The following ARHGAP5 variants were observed in gnomAD, a reference collection of about 807,000 sequenced individuals.
ARHGAP5 encodes rho GTPase-activating protein 5.
In ARHGAP5, 23 loss-of-function variants were observed where a neutral mutation model predicts 116.6. That is an observed-to-expected ratio of 0.20 (90% CI 0.14 to 0.28). ARHGAP5 has a LOEUF of 0.28. Ranked by LOEUF, ARHGAP5 falls within the 10% of genes least tolerant of loss-of-function variation. The pLI, the probability that ARHGAP5 is intolerant of heterozygous loss-of-function variation, is 1.00. For synonymous variants in ARHGAP5, 574 were observed against 602.0 expected (o/e 0.95, Z 0.68); for missense variants, 1,405 against 1,774.8 (o/e 0.79, Z 3.74).
At chr14:32,084,678 A>G (rs1462235658) in intron 1 of ARHGAP5, among the ~76,000 whole-genome samples, 1 of 152,094 alleles carries the variant, frequency 6.6e-6, no homozygotes, top group Admixed American at 6.5e-5. Flanking sequence ...TTCTCTCTTC[A>G]TTTGCCTGAT....
intron 1 of ARHGAP5, among the ~76,000 whole-genome samples, chr14:32,079,668 A>G (rs1009815668): frequency 6.6e-6 from 1 of 152,182 alleles, no homozygotes; most frequent in African/African-American, 2.4e-5. Context: ...GGTCTCATAA[A>G]GACTTTACTA....
intron 2 of ARHGAP5, among the ~76,000 whole-genome samples, chr14:32,101,555 T>C (rs1417760220): frequency 3.9e-5 from 6 of 152,176 alleles, no homozygotes; most frequent in Non-Finnish European, 4.4e-5. Flanking sequence ...TTTTTGTTTT[T>C]TAGTGTGTAT....
At chr14:32,124,135 C>T (rs1271514820) in intron 3 of ARHGAP5, among the ~76,000 whole-genome samples, 1 of 152,140 alleles carries the variant, frequency 6.6e-6, no homozygotes, top group Non-Finnish European at 1.5e-5. Flanking sequence ...TGTGATTCCA[C>T]CTCCCATCAC....
At chr14:32,116,532 G>T (rs1879605549) in intron 2 of ARHGAP5, among the ~76,000 whole-genome samples, 1 of 152,154 alleles carries the variant, frequency 6.6e-6, no homozygotes, top group Non-Finnish European at 1.5e-5. Flanking sequence ...GGCGGAGCTT[G>T]CAGTGAGCCG....
At chr14:32,121,191 A>G (rs1879873112) in intron 3 of ARHGAP5, among the ~76,000 whole-genome samples, 2 of 151,986 alleles carry the variant, frequency 1.3e-5, no homozygotes, top group African/African-American at 2.4e-5. Context: ...TGGTTTTGGT[A>G]GAAACAGGGT....
intron 2 of ARHGAP5, among the ~76,000 whole-genome samples, chr14:32,108,256 A>C (rs1879109720): frequency 6.6e-6 from 1 of 152,152 alleles, no homozygotes; most frequent in African/African-American, 2.4e-5. Flanking sequence ...GAATTGGGGC[A>C]GTAACTAGAA....
intron 2 of ARHGAP5, among the ~76,000 whole-genome samples, chr14:32,115,812 A>C (rs1465227789): frequency 6.5e-4 from 15 of 23,248 alleles, no homozygotes; most frequent in Non-Finnish European, 1.1e-3. Flanking sequence ...TCTACTAAAA[A>C]TACAAAAAAA....
At chr14:32,143,549 G>A (rs1397124817) in intron 3 of ARHGAP5, among the ~76,000 whole-genome samples, 2 of 152,080 alleles carry the variant, frequency 1.3e-5, no homozygotes, top group Non-Finnish European at 2.9e-5. Context: ...CAGCCAAAAG[G>A]CAACATTATT....
At chr14:32,086,702 T>C (rs903563365) in intron 1 of ARHGAP5, among the ~76,000 whole-genome samples, 1 of 151,428 alleles carries the variant, frequency 6.6e-6, no homozygotes, top group Non-Finnish European at 1.5e-5. Context: ...CTTGTAGAAC[T>C]TTTTTTTTCT....
chr14:32,126,288 C>T (rs1219462232), intron 3 of ARHGAP5, among the ~76,000 whole-genome samples: 1 of 152,030 alleles, frequency 6.6e-6, no homozygotes, highest in East Asian at 1.9e-4. Flanking sequence ...AGTCTGAAAG[C>T]AAGGTGTCAG....
At chr14:32,110,499 ACAAAAGTG>A (rs1371221498) in intron 2 of ARHGAP5, among the ~76,000 whole-genome samples, 1 of 152,148 alleles carries the variant, frequency 6.6e-6, no homozygotes, top group Non-Finnish European at 1.5e-5. Context: ...AACGGCCACT[ACAAAAGTG>A]CAAGGCAGGA....
Position 32,091,867 on chromosome 14 carries a change from A to T in ARHGAP5, c.1198A>T (p.Ile400Phe). The T allele has an allele frequency of 6.2e-7, 1 of 1,613,540 alleles. No homozygotes were observed. Among genetic ancestry groups the T allele is most frequent in the African/African-American group, 1.3e-5 (1 of 74,992 alleles). The change falls in exon 2 of 7, where the codon ATT (isoleucine) becomes TTT (phenylalanine). Residue 400 changes from isoleucine to phenylalanine, a missense_variant. Transcript: ENST00000345122. ...TATAGACAAAATTAATGATAGGCGG[A>T]TTCCATTTGACCTCCTGAGCACTTT... ...DHIDKINDRR[I>F]PFDLLSTLEA...
intron 2 of ARHGAP5, among the ~76,000 whole-genome samples, chr14:32,100,956 G>A (rs952781406): frequency 2.0e-5 from 3 of 152,090 alleles, no homozygotes; most frequent in Non-Finnish European, 4.4e-5. Context: ...TCTTTCTTCA[G>A]TATCTATTTT....
At chr14:32,118,888 A>G (rs980868327) in intron 3 of ARHGAP5, among the ~76,000 whole-genome samples, 3 of 152,136 alleles carry the variant, frequency 2.0e-5, no homozygotes, top group African/African-American at 7.2e-5. Context: ...TAAAATTTCT[A>G]TTTCTTGAAT....
At chr14:32,105,487 T>A (rs192385621) in intron 2 of ARHGAP5, among the ~76,000 whole-genome samples, 2,238 of 151,436 alleles carry the variant, frequency 0.015, 41 homozygotes, top group African/African-American at 0.045. Flanking sequence ...GTTTTTTTTT[T>A]TAAAAAAAAG....
chr14:32,101,961 C>T (rs754627443), intron 2 of ARHGAP5, among the ~76,000 whole-genome samples: 34 of 151,446 alleles, frequency 2.2e-4, no homozygotes, highest in Non-Finnish European at 3.4e-4. Context: ...CCAGCCTGGG[C>T]GACAGAGCGA....
At chr14:32,096,191 T>C (rs1456064030) in intron 2 of ARHGAP5, among the ~76,000 whole-genome samples, 2 of 152,208 alleles carry the variant, frequency 1.3e-5, no homozygotes, top group African/African-American at 4.8e-5. Context: ...TGGACTCTTT[T>C]TGCTATTAAA....
chr14:32,093,049 C>A lies in ARHGAP5; in HGVS notation c.2380C>A (p.Leu794Ile), dbSNP rs1290848901. 1 of 1,614,000 alleles carries A rather than the reference C, an allele frequency of 6.2e-7. No individual in the cohort carries two copies. Among genetic ancestry groups the A allele is most frequent in the Non-Finnish European group, 8.5e-7 (1 of 1,179,940 alleles). Reference protein sequence around the residue: ...AMCGDPFSVDLILSPFLDSHS... With the variant: ...AMCGDPFSVDIILSPFLDSHS... ...GTGTGGAGATCCATTTAGTGTGGATCTTATTCTTTCACCCTTCCTTGATTC... is the reference window on the plus strand; with the variant it reads ...GTGTGGAGATCCATTTAGTGTGGATATTATTCTTTCACCCTTCCTTGATTC... Residue 794 changes from leucine (L) to isoleucine (I), a missense_variant, in exon 2 of 7, where the codon CTT (leucine) becomes ATT (isoleucine). By Grantham distance (5) the Leu-to-Ile change is conservative (BLOSUM62 2). This residue lies in a region of ARHGAP5 where 944 missense variants were observed against 1,095.3 expected (regional missense o/e 0.86). Coordinates refer to ENST00000345122, the MANE Select transcript of ARHGAP5 (RefSeq NM_001030055.2).
In ARHGAP5 at chr14:32,091,211, A is replaced by G. The variant is rs777477435; in HGVS notation, c.542A>G (p.Asn181Ser). 2.3e-5 allele frequency: 37 copies of G among 1,613,158 alleles called. No individual in the cohort carries two copies. Among genetic ancestry groups the G allele is most frequent in the Non-Finnish European group, 3.1e-5 (36 of 1,179,576 alleles). Residue 181 changes from asparagine (N) to serine (S), a missense_variant, in exon 2 of 7, where the codon AAT (asparagine) becomes AGT (serine). By Grantham distance (46) the Asn-to-Ser change is conservative. Around this residue, in one of 6 missense-constraint regions of ARHGAP5, gnomAD observed 190 missense variants for 314.9 expected, o/e 0.60. Transcript: ENST00000345122. ...TTTGATGATCAACTTAAATTTGTGA[A>G]TAACCTTTTTGTCCAGTTATCAAAA... ...RKFDDQLKFV[N>S]NLFVQLSKSK...
Sources: allele counts gnomAD v4.1 joint callset (sites outside exome capture counted in the v4.1 genomes callset), GRCh38; gene constraint gnomAD v4.1.1; regional missense constraint gnomAD v4.1.1; transcripts MANE v1.5; gene names NCBI Gene and HGNC (gene_info 2026-07-23, HGNC 2026-07-21).